Variants in SLC26A11 observed in about 807,000 individuals in gnomAD.
The protein encoded by SLC26A11 is sodium-independent sulfate anion transporter.
A neutral mutation model predicts 62.2 loss-of-function variants in SLC26A11; 58 were observed. The ratio of observed to expected loss-of-function variants is 0.93; its 90% CI spans 0.76 to 1.16. SLC26A11 has a LOEUF of 1.16. SLC26A11 is among the 50% of genes most tolerant of loss of function. The pLI is 0.00. For missense variants in SLC26A11, 790 were observed against 794.3 expected (o/e 0.99, Z 0.06); for synonymous variants, 411 against 368.9 (o/e 1.11, Z -1.31).
At position 80,222,933 on chromosome 17, in the gene SLC26A11, G is replaced by A; in HGVS notation, c.427+86G>A. 1 of 1,363,204 alleles carries A rather than the reference G, an allele frequency of 7.3e-7. No homozygotes were observed. The highest frequency in any genetic ancestry group is 1.3e-5 in the South Asian group (1 of 78,614). The allele number at this position is 1,363,204 out of a possible 1,614,324, so 84.4% of individuals were successfully genotyped here. On this transcript the variant is annotated intron_variant, in intron 4 of 17. Coordinates refer to ENST00000361193, the MANE Select transcript of SLC26A11 (RefSeq NM_001166347.2). The surrounding 1 kb of genome is among the most constrained non-coding windows in gnomAD (Gnocchi z 4.7). ...TTCAAGTCTATCCCCGTGTGCGTGT[G>A]TGTGCGTGTTGGGGTGTGGGTATGT...
intron 9 of SLC26A11, among the ~76,000 whole-genome samples, chr17:80,238,508 G>A (rs900146441): frequency 6.6e-6 from 1 of 152,126 alleles, no homozygotes; most frequent in Non-Finnish European, 1.5e-5. Flanking sequence ...GGAACCCTTC[G>A]TCTCCTTCAG....
At chr17:80,239,656 C>T (rs1345690434) in intron 9 of SLC26A11, among the ~76,000 whole-genome samples, 3 of 152,048 alleles carry the variant, frequency 2.0e-5, no homozygotes, top group African/African-American at 4.8e-5. Flanking sequence ...GGATTACAGG[C>T]GTGAGCCACT....
In SLC26A11 at chr17:80,237,002, A is replaced by G. The variant is rs1300721784; in HGVS notation, c.811A>G (p.Ile271Val). 10 of 1,613,968 alleles carry G rather than the reference A, an allele frequency of 6.2e-6. No individual in the cohort carries two copies. The highest frequency in any genetic ancestry group is 8.5e-6 in the Non-Finnish European group (10 of 1,179,964). ...SFEVTGYQPFILTGETAEGLP... is the reference protein window; with the variant it reads ...SFEVTGYQPFVLTGETAEGLP... Reference sequence around the variant, plus strand: ...CGAGGTGACTGGATACCAGCCTTTCATCCTAACAGGGGAGACAGCTGAGGG... The same window carrying G: ...CGAGGTGACTGGATACCAGCCTTTCGTCCTAACAGGGGAGACAGCTGAGGG... The change falls in exon 8 of 18, where the codon ATC becomes GTC. Residue 271 changes from isoleucine (I) to valine (V), a missense_variant. Transcript: ENST00000361193.
In SLC26A11 at chr17:80,222,267, C is replaced by A; in HGVS notation, c.235-388C>A. The stretch of plus-strand genomic sequence containing the variant: ...GGCGGGTGCCTGTAGTCCCAGCTAC[C>A]TGGGAGGCTGAGGCAGGAGAATGGC... On this transcript the variant is annotated intron_variant, in intron 3 of 17. Transcript: ENST00000361193. The surrounding 1 kb of genome is among the most constrained non-coding windows in gnomAD (Gnocchi z 4.7). The A allele has an allele frequency of 5.2e-6, 1 of 192,812 alleles. No homozygotes were observed. The highest frequency in any genetic ancestry group is 1.4e-4 in the South Asian group (1 of 7,198). The allele number at this position is 192,812 out of a possible 1,614,324, so 11.9% of individuals were successfully genotyped here.
Position 80,228,029 on chromosome 17 carries a change from T to A in SLC26A11, c.736+69T>A. On this transcript the variant is annotated intron_variant, in intron 7 of 17. Transcript: ENST00000361193. The surrounding 1 kb of genome is among the most constrained non-coding windows in gnomAD (Gnocchi z 4.1). Reference sequence around the variant, plus strand: ...GTTGGGGTCACTTGGGGAGTCCTAGTCCCACCCTAGGGATTCTCACGTCAT... The same window carrying A: ...GTTGGGGTCACTTGGGGAGTCCTAGACCCACCCTAGGGATTCTCACGTCAT... 6.9e-7 allele frequency: 1 copy of A among 1,450,146 alleles called. No homozygotes were observed. Among genetic ancestry groups the A allele is most frequent in the Non-Finnish European group, 9.4e-7 (1 of 1,066,048 alleles). 89.8% of individuals were successfully genotyped at this position (1,450,146 alleles called of 1,614,324 possible).
chr17:80,246,043 C>A lies in SLC26A11; in HGVS notation c.1098-111C>A. The A allele has an allele frequency of 2.2e-6, 3 of 1,351,804 alleles. No individual in the cohort carries two copies. Among genetic ancestry groups the A allele is most frequent in the Non-Finnish European group, 3.2e-6 (3 of 944,934 alleles). 83.7% of individuals were successfully genotyped at this position (1,351,804 alleles called of 1,614,324 possible). A position where few individuals can be genotyped will look rare whatever the true frequency, so the allele number is the denominator to read the frequency against. ...CCCCTTGCAGTCCCCGCCTGCTTCC[C>A]AAGCCGTGCTGGGAGCTGACGTCCC... On this transcript the variant is annotated intron_variant, in intron 11 of 17. Coordinates refer to ENST00000361193, the MANE Select transcript of SLC26A11 (RefSeq NM_001166347.2). This position sits in a 1 kb window ranked among gnomAD's most constrained non-coding sequence, Gnocchi z 4.4.
chr17:80,244,240 G>A (rs2042937358), intron 10 of SLC26A11, among the ~76,000 whole-genome samples: 1 of 152,246 alleles, frequency 6.6e-6, no homozygotes, highest in African/African-American at 2.4e-5. Context: ...CCTGAGCAGT[G>A]ATCCCCGTTC....
chr17:80,245,693 C>T lies in SLC26A11; in HGVS notation c.1097+437C>T, dbSNP rs576963184. Among the ~76,000 whole-genome samples the T allele has an allele frequency of 1.4e-4, 21 of 152,184 alleles. 1 individual carries two copies. The South Asian group carries it at 1.5e-3, about 11-fold the overall frequency. On this transcript the variant is annotated intron_variant, in intron 11 of 17. Coordinates refer to ENST00000361193, the MANE Select transcript of SLC26A11 (RefSeq NM_001166347.2). ...GTGCCAGAGTCAATTCCTGAAAGGA[C>T]GTGGAGATAGGAAGGGCCTCGGCTC...
rs746784872 is a variant in SLC26A11 at position 80,246,120 on chromosome 17, C to T, written c.1098-34C>T. The T allele has an allele frequency of 1.9e-6, 3 of 1,612,726 alleles. No homozygotes were observed. The highest frequency in any genetic ancestry group is 1.3e-5 in the African/African-American group (1 of 74,928). ...GACTGAGGTCTCCCTTTTCCCGGCC[C>T]CTGGTGACTGACGGTCTCTGTGTTG... On this transcript the variant is annotated intron_variant, in intron 11 of 17. Coordinates refer to ENST00000361193, the MANE Select transcript of SLC26A11 (RefSeq NM_001166347.2). The surrounding 1 kb of genome is among the most constrained non-coding windows in gnomAD (Gnocchi z 4.4).
At chr17:80,251,505 G>A (rs914234509) in intron 17 of SLC26A11, 104 bp downstream of exon 17, 5 of 1,456,038 alleles carry the variant, frequency 3.4e-6, no homozygotes, top group African/African-American at 2.8e-5. Flanking sequence ...GCTCATGCCT[G>A]TAATCCCAGC....
intron 7 of SLC26A11, among the ~76,000 whole-genome samples, chr17:80,229,899 C>T (rs1437530467): frequency 6.6e-6 from 1 of 152,084 alleles, no homozygotes; most frequent in South Asian, 2.1e-4. Context: ...TTCATGGGGT[C>T]AGCTTAGAAG....
chr17:80,245,996 C>A (rs1226874349), intron 11 of SLC26A11, among the ~76,000 whole-genome samples, 158 bp from the exon 12 acceptor site: 1 of 152,218 alleles, frequency 6.6e-6, no homozygotes, highest in Non-Finnish European at 1.5e-5. Flanking sequence ...TGTGACTGCA[C>A]CCTAAGTCTC....
At chr17:80,247,256 A>G (rs890905042) in intron 13 of SLC26A11, among the ~76,000 whole-genome samples, 2 of 151,870 alleles carry the variant, frequency 1.3e-5, no homozygotes, top group Non-Finnish European at 2.9e-5. Context: ...CTACACAGAC[A>G]CGGCAACCAT....
chr17:80,251,586 A>G (rs2043157665), intron 17 of SLC26A11, among the ~76,000 whole-genome samples, 185 bp downstream of exon 17: 1 of 152,008 alleles, frequency 6.6e-6, no homozygotes, highest in Non-Finnish European at 1.5e-5. Context: ...AACATGGTAA[A>G]ACCTCATCAG....
intron 9 of SLC26A11, among the ~76,000 whole-genome samples, chr17:80,239,077 A>ATTTT (rs111257231): frequency 8.2e-6 from 1 of 122,306 alleles, no homozygotes. Context: ...CCTCCCAGTA[A>ATTTT]TTTTTTTTTT....
chr17:80,251,350 C>T lies in SLC26A11; in HGVS notation c.1678C>T (p.Leu560=), dbSNP rs140695037. 9.8e-4 allele frequency: 1,577 copies of T among 1,614,112 alleles called. 12 individuals carry two copies. In the African/African-American group the frequency reaches 0.016, roughly 16 times the overall value. ...GLQVPVLRVL[L]SADLKGFQYF... Reference sequence around the variant, plus strand: ...TCAGGTCCCCGTTCTCCGTGTCCTGCTGTCCGCTGACCTGAAGGGGTTCCA... The same window carrying T: ...TCAGGTCCCCGTTCTCCGTGTCCTGTTGTCCGCTGACCTGAAGGGGTTCCA... Residue 560 remains leucine (L), a synonymous_variant, in exon 17 of 18, where the codon CTG becomes TTG. Coordinates refer to ENST00000361193, the MANE Select transcript of SLC26A11 (RefSeq NM_001166347.2).
chr17:80,247,531 T>C (rs796357804), intron 13 of SLC26A11, among the ~76,000 whole-genome samples: 3 of 152,350 alleles, frequency 2.0e-5, no homozygotes, highest in African/African-American at 7.2e-5. Flanking sequence ...ACTTGGCATT[T>C]TCTGGTTAGC....
At chr17:80,226,142 C>A (rs1046311125) in intron 6 of SLC26A11, among the ~76,000 whole-genome samples, 1 of 151,972 alleles carries the variant, frequency 6.6e-6, no homozygotes, top group African/African-American at 2.4e-5. Flanking sequence ...GGTCTGCGCG[C>A]AGGGGAGAGT....
intron 11 of SLC26A11, 187 bp downstream of exon 11, chr17:80,245,443 G>T: frequency 1.7e-6 from 1 of 595,358 alleles, no homozygotes; most frequent in East Asian, 2.9e-5. Context: ...CTCATAGATC[G>T]TCCTGCAGTT....
Sources: gnomAD v4.1 joint callset for allele counts (sites outside exome capture counted in the v4.1 genomes callset) on GRCh38, gnomAD v4.1.1 for gene constraint, Gnocchi (gnomAD v3.1) non-coding constraint, MANE v1.5 for transcripts, NCBI Gene and HGNC (gene_info 2026-07-23, HGNC 2026-07-21) for gene names.